Variants in FAF2 observed in about 807,000 individuals in gnomAD.
FAF2 encodes Fas associated factor family member 2, also known as FAS-associated factor 2.
In FAF2, 9 loss-of-function variants were observed where a neutral mutation model predicts 62.3. The ratio of observed to expected loss-of-function variants is 0.14; its 90% CI spans 0.09 to 0.25. FAF2 has a LOEUF of 0.25. Ranked by LOEUF, FAF2 falls within the 10% of genes least tolerant of loss-of-function variation. The probability of loss-of-function intolerance (pLI) is 1.00; values close to 1 mark genes in which losing one functional copy is unlikely to be tolerated. For missense variants in FAF2, 368 were observed against 556.2 expected (o/e 0.66, Z 3.40); for synonymous variants, 202 against 198.0 (o/e 1.02, Z -0.17).
At chr5:176,499,397 G>A (rs1038241936) in intron 9 of FAF2, among the ~76,000 whole-genome samples, 3 of 152,136 alleles carry the variant, frequency 2.0e-5, no homozygotes, top group Admixed American at 2.0e-4. Flanking sequence ...AAAGTGTTGG[G>A]ATTACAGGCG....
chr5:176,486,288 C>T, intron 2 of FAF2, 67 bp from the exon 3 acceptor site: 1 of 1,593,760 alleles, frequency 6.3e-7, no homozygotes, highest in Middle Eastern at 1.7e-4. Flanking sequence ...GCAATAGTTG[C>T]CTCACCTCTT....
At chr5:176,468,526 G>T (rs150898828) in intron 1 of FAF2, among the ~76,000 whole-genome samples, 1 of 152,202 alleles carries the variant, frequency 6.6e-6, no homozygotes, top group East Asian at 1.9e-4. Flanking sequence ...GCAGCTTGCA[G>T]TGAGCCGAGA....
At chr5:176,476,965 A>G (rs1311567624) in intron 1 of FAF2, among the ~76,000 whole-genome samples, 3 of 151,142 alleles carry the variant, frequency 2.0e-5, no homozygotes, top group Non-Finnish European at 4.4e-5. Flanking sequence ...GCCCACCACC[A>G]TGCCCGGCTA....
rs113365287 is a variant in FAF2 at position 176,478,688 on chromosome 5, T to C, written c.64-500T>C. ...ACAAGTGTTTCAGATTTGGATTGTT[T>C]TGAGAATTTGGAATATTTACGTTTT... On this transcript the variant is annotated intron_variant, in intron 1 of 10. Transcript: ENST00000261942. 3.0e-3 allele frequency among the ~76,000 whole-genome samples: 458 copies of C among 152,338 alleles called. 2 individuals are homozygous for C. The highest frequency in any genetic ancestry group is 0.011 in the African/African-American group (438 of 41,574).
chr5:176,487,258 C>T lies in FAF2; in HGVS notation c.267+769C>T, dbSNP rs142959646. On this transcript the variant is annotated intron_variant, in intron 3 of 10. Transcript: ENST00000261942. ...GGAGTGCAGTGGCATGATCTTGGCT[C>T]GCTGCAGCCTAGACCTCCCGGGCTC... Among the ~76,000 whole-genome samples, 54 of 152,270 alleles carry T rather than the reference C, an allele frequency of 3.5e-4. No homozygotes were observed. The East Asian group carries it at 0.01, about 28-fold the overall frequency.
At chr5:176,503,646 C>CTCAG (rs2113748973) in intron 10 of FAF2, among the ~76,000 whole-genome samples, 1 of 151,766 alleles carries the variant, frequency 6.6e-6, no homozygotes, top group South Asian at 2.1e-4. Context: ...GTAGGTAATG[C>CTCAG]TCAGCTCTGG....
chr5:176,460,511 C>CGTGTGT (rs1491406940), intron 1 of FAF2, among the ~76,000 whole-genome samples: 17 of 99,440 alleles, frequency 1.7e-4, no homozygotes, highest in Non-Finnish European at 2.8e-4. Flanking sequence ...TATTTTTGGC[C>CGTGTGT]GCGTGTGTGT....
Position 176,486,378 on chromosome 5 carries a change from T to C in FAF2, c.156T>C (p.Asn52=). The C allele has an allele frequency of 1.2e-6, 2 of 1,614,194 alleles. No homozygotes were observed. Among genetic ancestry groups the C allele is most frequent in the Non-Finnish European group, 1.7e-6 (2 of 1,180,030 alleles). The part of the protein sequence containing the change: ...NIEAAVQDRL[N]EQEGVPSVFN... Reference sequence around the variant, plus strand: ...AGGCTGCTGTACAGGACAGATTGAATGAGCAAGAGGGCGTACCTAGTGTTT... The same window carrying C: ...AGGCTGCTGTACAGGACAGATTGAACGAGCAAGAGGGCGTACCTAGTGTTT... The change falls in exon 3 of 11, where the codon AAT becomes AAC. Residue 52 remains asparagine, a synonymous_variant. Coordinates refer to ENST00000261942, the MANE Select transcript of FAF2 (RefSeq NM_014613.3).
intron 2 of FAF2, among the ~76,000 whole-genome samples, chr5:176,482,863 A>G (rs553672711): frequency 5.8e-4 from 87 of 151,290 alleles, no homozygotes; most frequent in African/African-American, 2.0e-3. Flanking sequence ...TCTGCGAGTT[A>G]TCTTTTTACT....
intron 10 of FAF2, among the ~76,000 whole-genome samples, chr5:176,503,210 A>C (rs1337091894): frequency 1.3e-5 from 2 of 152,182 alleles, no homozygotes; most frequent in East Asian, 3.9e-4. Context: ...ACATTCACAG[A>C]GATAATTACA....
chr5:176,484,685 G>C (rs1028619097), intron 2 of FAF2, among the ~76,000 whole-genome samples: 9 of 152,104 alleles, frequency 5.9e-5, no homozygotes, highest in Non-Finnish European at 1.2e-4. Flanking sequence ...GAGGTGAGGA[G>C]TTCAAGACCA....
chr5:176,509,853 G>T lies in FAF2; in HGVS notation c.*2903G>T, dbSNP rs927603995. 2.0e-5 allele frequency: 3 copies of T among 152,652 alleles called. No individual in the cohort carries two copies. The highest frequency in any genetic ancestry group is 2.9e-5 in the Non-Finnish European group (2 of 68,044). 9.5% of individuals were successfully genotyped at this position (152,652 alleles called of 1,614,324 possible). On this transcript the variant is annotated 3_prime_UTR_variant, in exon 11 of 11. Coordinates refer to ENST00000261942, the MANE Select transcript of FAF2 (RefSeq NM_014613.3). ...GCAAAATCAGGGGCATCATTATCCG[G>T]TGCTTGAACAAGGAGCTCCGCTCTA... is the stretch of plus-strand genomic sequence containing the variant.
In FAF2 at chr5:176,494,303, A is replaced by G. The variant is rs373304872; in HGVS notation, c.661+28A>G. 3 of 1,547,674 alleles carry G rather than the reference A, an allele frequency of 1.9e-6. 1 individual carries two copies. The African/African-American group carries it at 4.1e-5, about 21-fold the overall frequency. On this transcript the variant is annotated intron_variant, in intron 7 of 10. Transcript: ENST00000261942. This position sits in a 1 kb window ranked among gnomAD's most constrained non-coding sequence, Gnocchi z 4.0. ...AAGTTATGTTTCTTCTGCCTCATTG[A>G]GATTGTTGGAGTATCTTTGGAATAG...
chr5:176,483,649 C>A (rs1758823337), intron 2 of FAF2, among the ~76,000 whole-genome samples: 1 of 152,188 alleles, frequency 6.6e-6, no homozygotes, highest in African/African-American at 2.4e-5. Context: ...CTGAAACCAC[C>A]TGCAGTTTCA....
intron 2 of FAF2, among the ~76,000 whole-genome samples, chr5:176,485,941 G>T (rs1283222150): frequency 6.6e-6 from 1 of 152,110 alleles, no homozygotes; most frequent in Admixed American, 6.6e-5. Context: ...TCTGCTGCAA[G>T]CCCCTTCATC....
chr5:176,468,766 A>C (rs1361880328), intron 1 of FAF2, among the ~76,000 whole-genome samples: 2 of 151,232 alleles, frequency 1.3e-5, no homozygotes, highest in Non-Finnish European at 2.9e-5. Context: ...GGACCCCACC[A>C]ATCTAGCCCC....
chr5:176,493,380 G>T (rs1759005954), intron 5 of FAF2, among the ~76,000 whole-genome samples: 1 of 152,228 alleles, frequency 6.6e-6, no homozygotes, highest in Non-Finnish European at 1.5e-5. Flanking sequence ...GATCCTGAGG[G>T]TAGACCACCC....
At chr5:176,485,917 C>G (rs1475329776) in intron 2 of FAF2, among the ~76,000 whole-genome samples, 1 of 152,140 alleles carries the variant, frequency 6.6e-6, no homozygotes, top group East Asian at 1.9e-4. Context: ...GAGCTTGGAT[C>G]AGACCGAAGT....
chr5:176,449,555 A>G (rs1758129491), intron 1 of FAF2, among the ~76,000 whole-genome samples: 1 of 152,090 alleles, frequency 6.6e-6, no homozygotes, highest in African/African-American at 2.4e-5. Flanking sequence ...AGCCTGGGCA[A>G]CAAGAGTGAA....
Sources: gnomAD v4.1 joint callset for allele counts (sites outside exome capture counted in the v4.1 genomes callset) on GRCh38, gnomAD v4.1.1 for gene constraint, Gnocchi (gnomAD v3.1) non-coding constraint, MANE v1.5 for transcripts, NCBI Gene and HGNC (gene_info 2026-07-23, HGNC 2026-07-21) for gene names.